Variants in CCDC57 observed in about 807,000 individuals in gnomAD.
CCDC57 encodes coiled-coil domain containing 57.
In CCDC57, 118 loss-of-function variants were observed where a neutral mutation model predicts 118.9. The observed-to-expected ratio is 0.99, with a 90% confidence interval of 0.86 to 1.16. The LOEUF (loss-of-function observed/expected upper bound fraction) is 1.16, where lower values mean the gene tolerates loss of function less well. Among genes scored for constraint, CCDC57 ranks in the 50% most tolerant of loss-of-function variants. The pLI is 0.00. For synonymous variants in CCDC57, 527 were observed against 532.9 expected, an observed-to-expected ratio of 0.99 and a Z score of 0.15; for missense variants, 1,300 against 1,320.7, an observed-to-expected ratio of 0.98 and a Z score of 0.24.
At chr17:82,137,612 A>AT (rs925695067) in intron 16 of CCDC57, among the ~76,000 whole-genome samples, 19 of 149,020 alleles carry the variant, frequency 1.3e-4, no homozygotes, top group African/African-American at 3.4e-4. Context: ...ATCTCCTGAC[A>AT]TTTTTTTTTC....
At position 82,212,390 on chromosome 17, in the gene CCDC57, T is replaced by C. The variant is rs1218795145; in HGVS notation, c.-211+395A>G. Among the ~76,000 whole-genome samples the C allele has an allele frequency of 1.7e-4, 6 of 35,278 alleles. No homozygotes were observed. The highest frequency in any genetic ancestry group is 2.9e-4 in the Non-Finnish European group (6 of 20,342). The allele number at this position is 35,278 out of a possible 152,430, so 23.1% of individuals were successfully genotyped here. A position where few individuals can be genotyped will look rare whatever the true frequency, so the allele number is the denominator to read the frequency against. On this transcript the variant is annotated intron_variant, in intron 1 of 19. Coordinates refer to ENST00000665763, the Ensembl canonical transcript of CCDC57. The surrounding 1 kb of genome is among the most constrained non-coding windows in gnomAD (Gnocchi z 4.1). ...GAACCACCGCCTCCGGCCTTTTTTTTTCCTCTCTTTTTTTTTTTTTTTTTT... is the reference window on the plus strand; with the variant it reads ...GAACCACCGCCTCCGGCCTTTTTTTCTCCTCTCTTTTTTTTTTTTTTTTTT...
intron 19 of CCDC57, chr17:82,113,862 C>G: frequency 1.7e-6 from 1 of 578,680 alleles, no homozygotes; most frequent in Non-Finnish European, 3.1e-6. Context: ...AGGAGGATCA[C>G]TTGAGCCTGG....
chr17:82,144,928 C>T (rs1378887318), intron 16 of CCDC57, among the ~76,000 whole-genome samples: 1 of 151,996 alleles, frequency 6.6e-6, no homozygotes, highest in Non-Finnish European at 1.5e-5. Context: ...CCCCTACATA[C>T]ACACAAAATT....
chr17:82,110,514 A>T (rs1297547002), intron 19 of CCDC57, among the ~76,000 whole-genome samples: 1 of 152,214 alleles, frequency 6.6e-6, no homozygotes, highest in Non-Finnish European at 1.5e-5. Flanking sequence ...CATGAGGCAC[A>T]GGAGGTCTAA....
At chr17:82,157,800 G>A (rs1260143775) in exon 15 of CCDC57, 2 of 1,605,864 alleles carry the variant, frequency 1.2e-6, no homozygotes, top group Non-Finnish European at 8.5e-7. Flanking sequence ...CCTGCCTGAA[G>A]GCTCCGCTCC....
chr17:82,164,484 TAGAG>T (rs2146115084), intron 13 of CCDC57, among the ~76,000 whole-genome samples: 1 of 152,214 alleles, frequency 6.6e-6, no homozygotes, highest in African/African-American at 2.4e-5. Flanking sequence ...AAATGTATAA[TAGAG>T]AATCAACAAA....
chr17:82,197,374 T>C (rs1441306357), intron 4 of CCDC57, among the ~76,000 whole-genome samples: 1 of 152,254 alleles, frequency 6.6e-6, no homozygotes, highest in Non-Finnish European at 1.5e-5. Flanking sequence ...GGTCTCTAGA[T>C]ATAAATCTAT....
chr17:82,148,630 AGATG>A (rs2041311008), intron 16 of CCDC57, among the ~76,000 whole-genome samples: 1 of 41,476 alleles, frequency 2.4e-5, no homozygotes, highest in Non-Finnish European at 4.1e-5. Context: ...GTAGATGGAT[AGATG>A]GATGGGTGGG....
exon 8 of CCDC57, chr17:82,188,219 T>C (rs1286671406): frequency 1.3e-6 from 2 of 1,546,614 alleles, no homozygotes; most frequent in East Asian, 2.4e-5. Context: ...ACACGCTCAC[T>C]GGTCAATGGC....
At chr17:82,159,152 C>A (rs569952000) in intron 14 of CCDC57, among the ~76,000 whole-genome samples, 1 of 151,978 alleles carries the variant, frequency 6.6e-6, no homozygotes, top group Non-Finnish European at 1.5e-5. Context: ...CAGGCATGCA[C>A]CACCGTGCCC....
intron 4 of CCDC57, among the ~76,000 whole-genome samples, chr17:82,197,528 T>C (rs1306094161): frequency 6.6e-6 from 1 of 152,264 alleles, no homozygotes; most frequent in Non-Finnish European, 1.5e-5. Flanking sequence ...GAATTCCAAA[T>C]TCTTTTCCAT....
intron 9 of CCDC57, among the ~76,000 whole-genome samples, chr17:82,179,933 A>C (rs551963950): frequency 1.3e-5 from 2 of 152,268 alleles, no homozygotes; most frequent in Non-Finnish European, 2.9e-5. Flanking sequence ...CTGGGACAGA[A>C]GGCCATGGGG....
intron 8 of CCDC57, among the ~76,000 whole-genome samples, chr17:82,186,778 C>CA (rs1050416293): frequency 9.2e-5 from 14 of 151,778 alleles, no homozygotes; most frequent in African/African-American, 3.4e-4. Flanking sequence ...CTCGTTTCTA[C>CA]AAAAAATACA....
At chr17:82,199,612 C>T (rs996367055) in intron 3 of CCDC57, among the ~76,000 whole-genome samples, 1 of 152,160 alleles carries the variant, frequency 6.6e-6, no homozygotes, top group Non-Finnish European at 1.5e-5. Context: ...TAAAAGGATG[C>T]TGTAAACACT....
At chr17:82,198,854 G>A (rs1008791236) in intron 3 of CCDC57, among the ~76,000 whole-genome samples, 3 of 151,702 alleles carry the variant, frequency 2.0e-5, no homozygotes, top group Non-Finnish European at 2.9e-5. Context: ...TTAGCCGGGC[G>A]TGGTGGCGGG....
chr17:82,185,130 G>A (rs2046774064), intron 8 of CCDC57: 1 of 137,518 alleles, frequency 7.3e-6, no homozygotes, highest in African/African-American at 2.7e-5. Flanking sequence ...CACGGCTGCT[G>A]AGCCCTCACT....
chr17:82,150,990 C>T (rs1382001441), intron 16 of CCDC57, among the ~76,000 whole-genome samples: 1 of 86,532 alleles, frequency 1.2e-5, no homozygotes, highest in African/African-American at 4.3e-5. Flanking sequence ...GGCACACACC[C>T]AGAACCAGGC....
intron 13 of CCDC57, among the ~76,000 whole-genome samples, chr17:82,170,389 T>A (rs2044533665): frequency 6.6e-6 from 1 of 151,094 alleles, no homozygotes; most frequent in African/African-American, 2.4e-5. Context: ...GCACCTGTAA[T>A]CCCAGCTACT....
chr17:82,187,921 A>ATGCCAC (rs2146607722), intron 8 of CCDC57, among the ~76,000 whole-genome samples: 1 of 152,134 alleles, frequency 6.6e-6, no homozygotes, highest in Non-Finnish European at 1.5e-5. Context: ...AATGTGCCTA[A>ATGCCAC]TGCCACTGCC....
Sources: gnomAD v4.1 joint callset for allele counts (sites outside exome capture counted in the v4.1 genomes callset) on GRCh38, gnomAD v4.1.1 for gene constraint, Gnocchi (gnomAD v3.1) non-coding constraint, MANE v1.5 for transcripts, NCBI Gene and HGNC (gene_info 2026-07-23, HGNC 2026-07-21) for gene names.